Variants in PCSK2 observed in about 807,000 individuals in gnomAD.
The protein encoded by PCSK2 is neuroendocrine convertase 2.
A neutral mutation model predicts 69.7 loss-of-function variants in PCSK2; 14 were observed. The ratio of observed to expected loss-of-function variants is 0.20; its 90% CI spans 0.13 to 0.31. The LOEUF is 0.31. PCSK2 is among the 10% of genes least tolerant of loss of function. The probability of loss-of-function intolerance (pLI) is 1.00; values close to 1 mark genes in which losing one functional copy is unlikely to be tolerated. For missense variants in PCSK2, 544 were observed against 842.5 expected (o/e 0.65, Z 4.39); for synonymous variants, 307 against 320.7 (o/e 0.96, Z 0.46).
rs577833070 is a variant in PCSK2, at chr20:17,436,640, C to T, written c.710-68C>T. Reference sequence around the variant, plus strand: ...CCAAGTACCCAGGGCCCAAGCCCTCCTCCACCTCCTTGTCTCCTGCGAACT... The same window carrying T: ...CCAAGTACCCAGGGCCCAAGCCCTCTTCCACCTCCTTGTCTCCTGCGAACT... On this transcript the variant is annotated intron_variant, in intron 7 of 11. Transcript: ENST00000262545. 2.0e-5 allele frequency: 28 copies of T among 1,413,338 alleles called. No individual in the cohort carries two copies. In the Middle Eastern group the frequency reaches 1.6e-3, roughly 83 times the overall value. 87.5% of individuals were successfully genotyped at this position (1,413,338 alleles called of 1,614,324 possible).
intron 5 of PCSK2, among the ~76,000 whole-genome samples, chr20:17,399,382 A>C (rs2123285585): frequency 6.6e-6 from 1 of 152,336 alleles, no homozygotes; most frequent in African/African-American, 2.4e-5. Flanking sequence ...GTTTCTTTAA[A>C]TTGACTTACT....
At chr20:17,246,623 T>C (rs1195576613) in intron 1 of PCSK2, among the ~76,000 whole-genome samples, 4 of 152,174 alleles carry the variant, frequency 2.6e-5, no homozygotes, top group African/African-American at 7.2e-5. Flanking sequence ...GAATGAATGG[T>C]GCCTCTACTC....
chr20:17,265,886 G>T (rs1047221056), intron 2 of PCSK2, among the ~76,000 whole-genome samples: 1 of 152,148 alleles, frequency 6.6e-6, no homozygotes, highest in Non-Finnish European at 1.5e-5. Context: ...GAGAGAGAAG[G>T]TGACTTCCCT....
chr20:17,252,201 G>T (rs1987008609), intron 1 of PCSK2, among the ~76,000 whole-genome samples: 1 of 152,070 alleles, frequency 6.6e-6, no homozygotes, highest in Non-Finnish European at 1.5e-5. Context: ...CTCATTTCTT[G>T]ATATGGGGAG....
intron 4 of PCSK2, among the ~76,000 whole-genome samples, chr20:17,365,451 C>T (rs1037398050): frequency 4.6e-5 from 7 of 152,114 alleles, no homozygotes; most frequent in African/African-American, 1.7e-4. Flanking sequence ...CCGCAAGCAC[C>T]ACCCCCCCGA....
chr20:17,347,071 C>G (rs1451870852), intron 2 of PCSK2, among the ~76,000 whole-genome samples: 3 of 152,222 alleles, frequency 2.0e-5, no homozygotes, highest in African/African-American at 7.2e-5. Flanking sequence ...GCCATATCCT[C>G]CCTCCTCAAT....
At chr20:17,358,236 A>T (rs2030274144) in intron 2 of PCSK2, 91 bp from the exon 3 acceptor site, 2 of 787,280 alleles carry the variant, frequency 2.5e-6, no homozygotes, top group South Asian at 3.1e-5. Context: ...TACACCTGAT[A>T]TACAAATGAA....
rs36062712 is a variant in PCSK2 at position 17,398,523 on chromosome 20, C to CAAAAAAA, written c.544-10723_544-10717dup. On this transcript the variant is annotated intron_variant, in intron 5 of 11. Coordinates refer to ENST00000262545, the MANE Select transcript of PCSK2 (RefSeq NM_002594.5). Reference sequence around the variant, plus strand: ...TGGGTTACAGAGTGAGATCCTGTCTCAAAAAAAAAAAAAAAAAAAAAAATG... The same window carrying CAAAAAAA: ...TGGGTTACAGAGTGAGATCCTGTCTCAAAAAAAAAAAAAAAAAAAAAAAAAAAAAATG... Among the ~76,000 whole-genome samples, 19 of 85,210 alleles carry CAAAAAAA rather than the reference C, an allele frequency of 2.2e-4. 1 individual carries two copies. Among genetic ancestry groups the CAAAAAAA allele is most frequent in the Non-Finnish European group, 3.5e-4 (16 of 46,204 alleles). 55.9% of individuals were successfully genotyped at this position (85,210 alleles called of 152,430 possible).
chr20:17,349,102 G>T (rs1418879616), intron 2 of PCSK2, among the ~76,000 whole-genome samples: 1 of 152,206 alleles, frequency 6.6e-6, no homozygotes, highest in Non-Finnish European at 1.5e-5. Flanking sequence ...CCCTCAGTAA[G>T]TGTCAGCCAT....
intron 1 of PCSK2, among the ~76,000 whole-genome samples, chr20:17,252,466 A>G (rs891216924): frequency 3.3e-5 from 5 of 152,224 alleles, no homozygotes; most frequent in African/African-American, 1.2e-4. Context: ...CTTATGCTTG[A>G]GTGCAAGATA....
chr20:17,420,436 C>G (rs1244341835), intron 6 of PCSK2, among the ~76,000 whole-genome samples: 2 of 152,180 alleles, frequency 1.3e-5, no homozygotes, highest in Non-Finnish European at 2.9e-5. Flanking sequence ...TGCTTGTAAC[C>G]AACCCTTTCT....
Position 17,481,821 on chromosome 20 carries a change from C to T in PCSK2, c.1668C>T (p.Thr556=). Residue 556 remains threonine (T), a synonymous_variant, in exon 12 of 12, where the codon ACC becomes ACT. Transcript: ENST00000262545. ...KVGFDKWPFM[T]THTWGEDARG... ...GCTTTGACAAGTGGCCTTTCATGAC[C>T]ACTCACACGTGGGGGGAAGACGCCC... 1 of 1,614,124 alleles carries T rather than the reference C, an allele frequency of 6.2e-7. No individual in the cohort carries two copies.
At chr20:17,247,808 T>G (rs572069614) in intron 1 of PCSK2, among the ~76,000 whole-genome samples, 1 of 152,318 alleles carries the variant, frequency 6.6e-6, no homozygotes, top group African/African-American at 2.4e-5. Context: ...CCATGAGAAT[T>G]TAACACTTCT....
At chr20:17,302,483 G>T (rs1174852296) in intron 2 of PCSK2, among the ~76,000 whole-genome samples, 3 of 152,074 alleles carry the variant, frequency 2.0e-5, no homozygotes, top group Non-Finnish European at 4.4e-5. Context: ...ACACCCCTTG[G>T]TAGCTCTTTC....
intron 6 of PCSK2, among the ~76,000 whole-genome samples, chr20:17,421,059 C>T (rs1193933627): frequency 1.3e-5 from 2 of 152,220 alleles, no homozygotes; most frequent in Non-Finnish European, 2.9e-5. Flanking sequence ...GACATCTGCT[C>T]TCTCATTTAA....
Position 17,227,100 on chromosome 20 carries a change from G to T in PCSK2, c.-206G>T, listed in dbSNP as rs1985941774. ...CGCACCCCTGCCCGCGCGCCGGGCCGCCTGACTGCACGGCTTCCCCTCCAG... is the reference window on the plus strand; with the variant it reads ...CGCACCCCTGCCCGCGCGCCGGGCCTCCTGACTGCACGGCTTCCCCTCCAG... On this transcript the variant is annotated 5_prime_UTR_variant, in exon 1 of 12. Coordinates refer to ENST00000262545, the MANE Select transcript of PCSK2 (RefSeq NM_002594.5). 9 of 553,180 alleles carry T rather than the reference G, an allele frequency of 1.6e-5. No individual in the cohort carries two copies. The East Asian group carries it at 2.3e-4, about 14-fold the overall frequency. The allele number at this position is 553,180 out of a possible 1,614,324, so 34.3% of individuals were successfully genotyped here.
At chr20:17,320,107 G>T (rs1229257741) in intron 2 of PCSK2, among the ~76,000 whole-genome samples, 1 of 152,106 alleles carries the variant, frequency 6.6e-6, no homozygotes, top group Non-Finnish European at 1.5e-5. Context: ...AGCTCAAGGT[G>T]TTATGTTTTT....
At chr20:17,332,643 G>A (rs1176599935) in intron 2 of PCSK2, among the ~76,000 whole-genome samples, 1 of 152,152 alleles carries the variant, frequency 6.6e-6, no homozygotes, top group Non-Finnish European at 1.5e-5. Flanking sequence ...CACAAACTCT[G>A]AGAGTGGGGC....
At chr20:17,406,825 G>T (rs576817208) in intron 5 of PCSK2, among the ~76,000 whole-genome samples, 1 of 152,134 alleles carries the variant, frequency 6.6e-6, no homozygotes, top group Non-Finnish European at 1.5e-5. Flanking sequence ...GTCTCAGTCC[G>T]CTCAGGTTTT....
Sources: gnomAD v4.1 joint callset for allele counts (sites outside exome capture counted in the v4.1 genomes callset) on GRCh38, gnomAD v4.1.1 for gene constraint, MANE v1.5 for transcripts, NCBI Gene and HGNC (gene_info 2026-07-23, HGNC 2026-07-21) for gene names.